The following CDIN1 variants were observed in gnomAD, a reference collection of about 807,000 sequenced individuals.
The protein encoded by CDIN1 is CDAN1-interacting nuclease 1.
In CDIN1, 33 loss-of-function variants were observed where a neutral mutation model predicts 45.3. That is an observed-to-expected ratio of 0.73 (90% CI 0.55 to 0.97). CDIN1 has a LOEUF of 0.97. Ranked by LOEUF, CDIN1 falls within the 50% of genes least tolerant of loss-of-function variation. CDIN1 has a pLI of 0.00. For synonymous variants in CDIN1, 118 were observed against 124.4 expected (o/e 0.95, Z 0.34); for missense variants, 303 against 339.4 (o/e 0.89, Z 0.84).
chr15:36,809,137 T>C lies in CDIN1; in HGVS notation c.*684T>C. The C allele has an allele frequency of 3.1e-6, 1 of 326,192 alleles. No homozygotes were observed. Among genetic ancestry groups the C allele is most frequent in the South Asian group, 2.5e-5 (1 of 40,552 alleles). The allele number at this position is 326,192 out of a possible 1,614,324, so 20.2% of individuals were successfully genotyped here. A position where few individuals can be genotyped will look rare whatever the true frequency, so the allele number is the denominator to read the frequency against. On this transcript the variant is annotated 3_prime_UTR_variant, in exon 11 of 11. Transcript: ENST00000566621. ...AGAATTTCCTCTTTTAATAATGTTA[T>C]TTGAACACCACATATTTTAGATTTA...
intron 1 of CDIN1, chr15:36,619,008 A>G (rs1037473367): frequency 5.1e-5 from 76 of 1,491,188 alleles, no homozygotes; most frequent in Non-Finnish European, 6.2e-5. Flanking sequence ...TGTAGCCACT[A>G]TGGGAACTTC....
At chr15:36,749,985 C>A (rs762955194) in intron 10 of CDIN1, among the ~76,000 whole-genome samples, 1 of 152,076 alleles carries the variant, frequency 6.6e-6, no homozygotes, top group East Asian at 1.9e-4. Flanking sequence ...ATTGTGTTGC[C>A]GTAATGAAAA....
At chr15:36,685,946 T>G (rs1035969503) in intron 5 of CDIN1, among the ~76,000 whole-genome samples, 15 of 151,718 alleles carry the variant, frequency 9.9e-5, no homozygotes, top group African/African-American at 3.6e-4. Flanking sequence ...ATAGGAACAC[T>G]TTTACACTGT....
intron 5 of CDIN1, among the ~76,000 whole-genome samples, chr15:36,668,603 A>T (rs2041335208): frequency 6.6e-6 from 1 of 152,162 alleles, no homozygotes; most frequent in Admixed American, 6.6e-5. Flanking sequence ...TTTCAGATTC[A>T]TCCTCTCTCC....
intron 7 of CDIN1, among the ~76,000 whole-genome samples, chr15:36,694,151 T>G (rs1345885411): frequency 6.6e-6 from 1 of 152,210 alleles, no homozygotes; most frequent in African/African-American, 2.4e-5. Context: ...ACTTGGTGAT[T>G]GCTTTTGTCA....
chr15:36,648,993 G>GA (rs35979949), intron 3 of CDIN1, among the ~76,000 whole-genome samples: 14 of 150,926 alleles, frequency 9.3e-5, no homozygotes, highest in African/African-American at 1.9e-4. Context: ...TAAGTGCTAG[G>GA]AAAAAAAAAG....
chr15:36,775,254 C>T (rs2054189330), intron 10 of CDIN1, among the ~76,000 whole-genome samples: 2 of 152,156 alleles, frequency 1.3e-5, no homozygotes, highest in African/African-American at 2.4e-5. Flanking sequence ...CCTGAAAGCC[C>T]AGTTTTATCT....
intron 1 of CDIN1, among the ~76,000 whole-genome samples, chr15:36,637,329 G>A (rs1016523159): frequency 1.3e-5 from 2 of 152,152 alleles, no homozygotes; most frequent in Admixed American, 6.5e-5. Flanking sequence ...ATGAATGTGG[G>A]TAGGCAAAAA....
intron 5 of CDIN1, among the ~76,000 whole-genome samples, chr15:36,680,808 A>G (rs1316828106): frequency 1.3e-5 from 2 of 152,212 alleles, no homozygotes; most frequent in African/African-American, 4.8e-5. Flanking sequence ...GAAATTAGAA[A>G]TAAGTCAGCA....
intron 4 of CDIN1, among the ~76,000 whole-genome samples, chr15:36,656,596 T>G (rs899277776): frequency 6.6e-6 from 1 of 152,112 alleles, no homozygotes; most frequent in Non-Finnish European, 1.5e-5. Context: ...CAGAGAAAGA[T>G]GGACACATGA....
At chr15:36,584,399 C>A (rs2037193127) in intron 1 of CDIN1, among the ~76,000 whole-genome samples, 1 of 152,144 alleles carries the variant, frequency 6.6e-6, no homozygotes, top group Non-Finnish European at 1.5e-5. Flanking sequence ...CGTGCCACTG[C>A]AGTCCAGCCT....
At chr15:36,701,105 GATAGATAGATAGGTAGGTAGA>G (rs2042616442) in intron 8 of CDIN1, among the ~76,000 whole-genome samples, 1 of 88,042 alleles carries the variant, frequency 1.1e-5, no homozygotes. Flanking sequence ...TAGGTAGATA[GATAGATAGATAGGTAGGTAGA>G]TAGATAGATA....
chr15:36,644,158 A>C lies in CDIN1; in HGVS notation c.102-120A>C. Reference sequence around the variant, plus strand: ...TGTTCATCTGGAACAACTTTTCCACACTTGTTTTCATGTTCTGTTAGATTA... The same window carrying C: ...TGTTCATCTGGAACAACTTTTCCACCCTTGTTTTCATGTTCTGTTAGATTA... On this transcript the variant is annotated intron_variant, in intron 1 of 10. Coordinates refer to ENST00000566621, the MANE Select transcript of CDIN1 (RefSeq NM_001321759.2). 9 of 925,862 alleles carry C rather than the reference A, an allele frequency of 9.7e-6. No homozygotes were observed. The South Asian group carries it at 1.1e-4, about 11-fold the overall frequency. 57.4% of individuals were successfully genotyped at this position (925,862 alleles called of 1,614,324 possible).
chr15:36,630,375 GA>G (rs2039628176), intron 1 of CDIN1, among the ~76,000 whole-genome samples: 1 of 152,126 alleles, frequency 6.6e-6, no homozygotes, highest in South Asian at 2.1e-4. Context: ...TTAACTCTTA[GA>G]TTTGCAGAAC....
At chr15:36,659,966 C>CTTTTTTTTTTTTTTTT (rs778988517) in intron 5 of CDIN1, among the ~76,000 whole-genome samples, 3 of 105,146 alleles carry the variant, frequency 2.9e-5, no homozygotes, top group Admixed American at 1.2e-4. Flanking sequence ...CCTTCCTTTT[C>CTTTTTTTTTTTTTTTT]TTTTTTTTTT....
intron 1 of CDIN1, among the ~76,000 whole-genome samples, chr15:36,619,711 C>G (rs1238075152): frequency 6.6e-6 from 1 of 151,676 alleles, no homozygotes; most frequent in Non-Finnish European, 1.5e-5. Flanking sequence ...AGAAGCATTT[C>G]TGTAAAATTA....
intron 1 of CDIN1, chr15:36,614,055 C>T (rs1253586199): frequency 9.3e-7 from 1 of 1,078,280 alleles, no homozygotes; most frequent in Non-Finnish European, 1.4e-6. Flanking sequence ...TACTGATAAA[C>T]TCAAGGAGAG....
At chr15:36,749,072 A>G (rs577364304) in intron 10 of CDIN1, among the ~76,000 whole-genome samples, 1 of 152,236 alleles carries the variant, frequency 6.6e-6, no homozygotes, top group Non-Finnish European at 1.5e-5. Flanking sequence ...AGTCATAAAC[A>G]CTCACTCGTA....
intron 10 of CDIN1, among the ~76,000 whole-genome samples, chr15:36,719,878 C>G (rs2043346424): frequency 6.6e-6 from 1 of 151,850 alleles, no homozygotes; most frequent in Non-Finnish European, 1.5e-5. Context: ...AGTGTTTGTC[C>G]ATTTAATCTA....
Sources: gnomAD v4.1 joint callset for allele counts (sites outside exome capture counted in the v4.1 genomes callset) on GRCh38, gnomAD v4.1.1 for gene constraint, MANE v1.5 for transcripts, NCBI Gene and HGNC (gene_info 2026-07-23, HGNC 2026-07-21) for gene names.